Variants in RUSC1 observed in about 807,000 individuals in gnomAD.
RUSC1 encodes the protein RUN and SH3 domain containing 1.
A neutral mutation model predicts 72.1 loss-of-function variants in RUSC1; 40 were observed. The ratio of observed to expected loss-of-function variants is 0.55; its 90% CI spans 0.43 to 0.72. RUSC1 has a LOEUF of 0.72. RUSC1 is among the 30% of genes least tolerant of loss of function. The pLI is 0.00. For synonymous variants in RUSC1, 512 were observed against 494.2 expected (o/e 1.04, Z -0.48); for missense variants, 1,092 against 1,172.3 (o/e 0.93, Z 1.00).
rs759980167 is a variant in RUSC1 at position 155,322,149 on chromosome 1, C to T, written c.376C>T (p.Leu126Phe). Residue 126 changes from leucine to phenylalanine, a missense_variant, in exon 2 of 10, where the codon CTC becomes TTC. Leu to Phe is a conservative substitution (Grantham distance 22). Transcript: ENST00000368352. ...CCCTGTCTCAGTCTACTTGCGGGAC[C>T]TCCCTGGTGATGAGGATGCCCACCC... ...ESPVSVYLRD[L>F]PGDEDAHPQP... 1.2e-6 allele frequency: 2 copies of T among 1,602,320 alleles called. No individual in the cohort carries two copies. The highest frequency in any genetic ancestry group is 4.5e-5 in the East Asian group (2 of 44,710).
chr1:155,328,379 C>G, intron 9 of RUSC1, 104 bp downstream of exon 9: 1 of 1,215,936 alleles, frequency 8.2e-7, no homozygotes, highest in South Asian at 1.9e-5. Flanking sequence ...TAAGACCGTG[C>G]TTAGTGTGCA....
chr1:155,328,278 A>G lies in RUSC1; in HGVS notation c.2540+3A>G. On this transcript the variant is annotated splice_donor_region_variant and intron_variant, in intron 9 of 9. Coordinates refer to ENST00000368352, the MANE Select transcript of RUSC1 (RefSeq NM_001105203.2). The stretch of plus-strand genomic sequence containing the variant: ...CCCAGGATGGTGCAAACCCATAGGT[A>G]AGGAGGATTGGGGAGAATGCACTAG... The G allele has an allele frequency of 3.1e-6, 5 of 1,607,464 alleles. No individual in the cohort carries two copies. The highest frequency in any genetic ancestry group is 4.3e-6 in the Non-Finnish European group (5 of 1,176,458).
chr1:155,321,693 C>A lies in RUSC1; in HGVS notation c.-81C>A. On this transcript the variant is annotated 5_prime_UTR_variant, in exon 2 of 10. Transcript: ENST00000368352. ...TCACCACCTCTGTCTTCTAGGTCTG[C>A]ACCTGTGGTTGCCAGGTAGGTGGAT... is the stretch of plus-strand genomic sequence containing the variant. The A allele has an allele frequency of 6.5e-7, 1 of 1,547,352 alleles. No homozygotes were observed. Among genetic ancestry groups the A allele is most frequent in the Non-Finnish European group, 8.9e-7 (1 of 1,127,962 alleles).
rs1252167171 is a variant in RUSC1 at position 155,322,903 on chromosome 1, G to A, written c.1130G>A (p.Arg377Gln). 6.3e-7 allele frequency: 1 copy of A among 1,595,370 alleles called. No individual in the cohort carries two copies. The change falls in exon 2 of 10, where the codon CGA (arginine) becomes CAA (glutamine). Residue 377 changes from arginine (R) to glutamine (Q), a missense_variant. Arg to Gln is a conservative substitution (Grantham distance 43). Coordinates refer to ENST00000368352, the MANE Select transcript of RUSC1 (RefSeq NM_001105203.2). ...EVTTFKELRS[R>Q]SRAPAPPVPP... ...ACCACCTTCAAGGAACTCCGGTCCC[G>A]AAGCCGGGCCCCAGCCCCGCCAGTC...
intron 2 of RUSC1, chr1:155,324,030 G>GC: frequency 9.4e-7 from 1 of 1,059,278 alleles, no homozygotes; most frequent in Non-Finnish European, 1.1e-6. Flanking sequence ...CCGTGGGCCG[G>GC]CCCCCTCTCC....
chr1:155,328,021 A>G, intron 8 of RUSC1, 129 bp from the exon 9 acceptor site: 1 of 1,195,468 alleles, frequency 8.4e-7, no homozygotes. Flanking sequence ...CTCTGCCCTC[A>G]GCAGTGACTA....
At chr1:155,328,409 T>C in intron 9 of RUSC1, 134 bp downstream of exon 9, 1 of 960,554 alleles carries the variant, frequency 1.0e-6, no homozygotes, top group Non-Finnish European at 1.4e-6. Flanking sequence ...TTCTATTTAT[T>C]ATCGATGTGT....
Position 155,330,821 on chromosome 1 carries a change from A to T in RUSC1, c.*250A>T. On this transcript the variant is annotated 3_prime_UTR_variant, in exon 10 of 10. Transcript: ENST00000368352. ...AATCCCTTTCCTTTTTCCCGTCTAT[A>T]TAAGGGAATGTCTTCCTTCCTATCT... 2.5e-6 allele frequency: 1 copy of T among 392,300 alleles called. No homozygotes were observed. The highest frequency in any genetic ancestry group is 4.6e-6 in the Non-Finnish European group (1 of 217,708). 24.3% of individuals were successfully genotyped at this position (392,300 alleles called of 1,614,324 possible). A position where few individuals can be genotyped will look rare whatever the true frequency, so the allele number is the denominator to read the frequency against.
Position 155,323,118 on chromosome 1 carries a change from G to A in RUSC1, c.1345G>A (p.Ala449Thr). 7.0e-7 allele frequency: 1 copy of A among 1,422,108 alleles called. No homozygotes were observed. The highest frequency in any genetic ancestry group is 1.5e-5 in the South Asian group (1 of 65,828). The allele number at this position is 1,422,108 out of a possible 1,614,324, so 88.1% of individuals were successfully genotyped here. A position where few individuals can be genotyped will look rare whatever the true frequency, so the allele number is the denominator to read the frequency against. ...APAAKEPGAQ[A>T]GLEVRSSWSF... ...AGCCGCGAAGGAGCCGGGCGCGCAG[G>A]CCGGCCTGGAGGGTAAGAGGTCGCA... The change falls in exon 2 of 10, where the codon GCC becomes ACC. Residue 449 changes from alanine to threonine, a missense_variant. Coordinates refer to ENST00000368352, the MANE Select transcript of RUSC1 (RefSeq NM_001105203.2).
intron 2 of RUSC1, chr1:155,324,308 G>T: frequency 6.4e-7 from 1 of 1,569,708 alleles, no homozygotes; most frequent in Non-Finnish European, 8.6e-7. Flanking sequence ...CCGCCAAGAG[G>T]CTGCTGCGGG....
rs936466061 is a variant in RUSC1 at position 155,324,719 on chromosome 1, C to T, written c.1358-126C>T. On this transcript the variant is annotated intron_variant, in intron 2 of 9. Transcript: ENST00000368352. ...CCCCGTGCTTCAGGCGGTCCTGCGC[C>T]TCCTCTCCCCAAGACCCTTCGGGGA... 4 of 1,569,300 alleles carry T rather than the reference C, an allele frequency of 2.5e-6. No homozygotes were observed. The African/African-American group carries it at 5.4e-5, about 21-fold the overall frequency.
At chr1:155,323,808 G>C (rs529219989) in intron 2 of RUSC1, 1 of 588,096 alleles carries the variant, frequency 1.7e-6, no homozygotes, top group African/African-American at 2.0e-5. Context: ...CTCCGCCCAG[G>C]CTACGTAAGA....
rs898163362 is a variant in RUSC1 at position 155,322,647 on chromosome 1, G to A, written c.874G>A (p.Ala292Thr). The A allele has an allele frequency of 8.7e-6, 14 of 1,614,146 alleles. No individual in the cohort carries two copies. The African/African-American group carries it at 1.9e-4, about 22-fold the overall frequency. ...AACTGATTCTGGCTCGAAAACAGAT[G>A]CAGGGAAAATTGATGGAGGATGGAG... is the stretch of plus-strand genomic sequence containing the variant. Reference protein sequence around the residue: ...RITDSGSKTDAGKIDGGWRSD... With the variant: ...RITDSGSKTDTGKIDGGWRSD... Residue 292 changes from alanine (A) to threonine (T), a missense_variant, in exon 2 of 10, where the codon GCA becomes ACA. Physicochemically the swap from Ala to Thr is moderately conservative, Grantham distance 58. Transcript: ENST00000368352.
At chr1:155,323,300 GACTA>G (rs1017173041) in intron 2 of RUSC1, among the ~76,000 whole-genome samples, 170 bp downstream of exon 2, 10 of 152,130 alleles carry the variant, frequency 6.6e-5, no homozygotes, top group South Asian at 2.1e-4. Context: ...TGGGTTATGG[GACTA>G]ACTGTTTGCT....
intron 8 of RUSC1, 66 bp downstream of exon 8, chr1:155,327,198 G>A: frequency 6.8e-7 from 1 of 1,465,642 alleles, no homozygotes; most frequent in Non-Finnish European, 9.2e-7. Flanking sequence ...GGCTTCATTT[G>A]AAACTCTCTA....
rs200297019 is a variant in RUSC1, at chr1:155,324,839, C to T, written c.1358-6C>T. 90 of 1,614,118 alleles carry T rather than the reference C, an allele frequency of 5.6e-5. No individual in the cohort carries two copies. Among genetic ancestry groups the T allele is most frequent in the Admixed American group, 1.8e-4 (11 of 60,006 alleles). On this transcript the variant is annotated splice_region_variant and splice_polypyrimidine_tract_variant and intron_variant, in intron 2 of 9. Transcript: ENST00000368352. ...GTGTTACCGCGCCCTTCTTCCCTTA[C>T]GCCAGTCCGTAGTTCGTGGTCCTTC...
Position 155,325,258 on chromosome 1 carries a change from G to A in RUSC1, c.1534-58G>A. 1 of 1,609,980 alleles carries A rather than the reference G, an allele frequency of 6.2e-7. No individual in the cohort carries two copies. The highest frequency in any genetic ancestry group is 8.5e-7 in the Non-Finnish European group (1 of 1,179,806). ...GGGGGTGCGGGAATGGTTGGCGGGA[G>A]GTGGCTGGGAGGTGTCTGGAGGGAT... On this transcript the variant is annotated intron_variant, in intron 4 of 9. Transcript: ENST00000368352. This position sits in a 1 kb window ranked among gnomAD's most constrained non-coding sequence, Gnocchi z 6.5.
In RUSC1 at chr1:155,325,579, G is replaced by C; in HGVS notation, c.1721G>C (p.Arg574Pro). ...EASVKPGSST[R>P]SLGTLYSQVS... ...CCCACGTTCTCAGGCTCCAGCACCC[G>C]CTCCCTTGGAACCCTGTATAGCCAG... is the stretch of plus-strand genomic sequence containing the variant. Residue 574 changes from arginine (R) to proline (P), a missense_variant, in exon 6 of 10, where the codon CGC becomes CCC. Arg to Pro is a moderately radical substitution (Grantham distance 103). Transcript: ENST00000368352. This position sits in a 1 kb window ranked among gnomAD's most constrained non-coding sequence, Gnocchi z 6.5. 6.2e-7 allele frequency: 1 copy of C among 1,610,564 alleles called. No homozygotes were observed. Among genetic ancestry groups the C allele is most frequent in the Non-Finnish European group, 8.5e-7 (1 of 1,179,936 alleles).
rs1307512464 is a variant in RUSC1 at position 155,325,097 on chromosome 1, C to G, written c.1457-5C>G. On this transcript the variant is annotated splice_region_variant and splice_polypyrimidine_tract_variant and intron_variant, in intron 3 of 9. Coordinates refer to ENST00000368352, the MANE Select transcript of RUSC1 (RefSeq NM_001105203.2). The surrounding 1 kb of genome is among the most constrained non-coding windows in gnomAD (Gnocchi z 6.5). The stretch of plus-strand genomic sequence containing the variant: ...CTAGCGTCTTCCCTTTCCCACTCCT[C>G]CCAGGTCTTCTGATAGCCGTCAGCG... 3 of 1,614,116 alleles carry G rather than the reference C, an allele frequency of 1.9e-6. No individual in the cohort carries two copies. In the African/African-American group the frequency reaches 4.0e-5, roughly 22 times the overall value.
Sources: allele counts gnomAD v4.1 joint callset (sites outside exome capture counted in the v4.1 genomes callset), GRCh38; gene constraint gnomAD v4.1.1; non-coding constraint Gnocchi (gnomAD v3.1); transcripts MANE v1.5; gene names NCBI Gene and HGNC (gene_info 2026-07-23, HGNC 2026-07-21).